RBFOX1: variants seen among roughly 807,000 people sequenced by gnomAD.
RBFOX1 encodes RNA binding fox-1 homolog 1.
A neutral mutation model predicts 57.7 loss-of-function variants in RBFOX1; 8 were observed. The ratio of observed to expected loss-of-function variants is 0.14; its 90% confidence interval spans 0.08 to 0.25. The LOEUF (loss-of-function observed/expected upper bound fraction) is 0.25, where lower values mean the gene tolerates loss of function less well. RBFOX1 is among the 10% of genes least tolerant of loss of function. The pLI is 1.00. For synonymous variants in RBFOX1, 326 were observed against 222.4 expected (o/e 1.47, Z -4.15); for missense variants, 611 against 548.5 (o/e 1.11, Z -1.14).
chr16:7,159,478 C>T (rs1338331638), intron 4 of RBFOX1, among the ~76,000 whole-genome samples: 1 of 152,148 alleles, frequency 6.6e-6, no homozygotes, highest in Non-Finnish European at 1.5e-5. Flanking sequence ...TGAGGGCTGT[C>T]ACTAAGGGGA....
intron 3 of RBFOX1, among the ~76,000 whole-genome samples, chr16:6,722,219 C>G (rs1337102717): frequency 6.6e-6 from 1 of 152,160 alleles, no homozygotes; most frequent in East Asian, 1.9e-4. Flanking sequence ...TTGAAGGAAC[C>G]ACTATCCTGT....
rs138246337 is a variant in RBFOX1 at position 7,158,795 on chromosome 16, C to T, written c.27+106697C>T. Among the ~76,000 whole-genome samples the T allele has an allele frequency of 6.7e-4, 100 of 149,810 alleles. 3 individuals are homozygous for T. In the Middle Eastern group the frequency reaches 0.025, roughly 38 times the overall value. On this transcript the variant is annotated intron_variant, in intron 4 of 15. Coordinates refer to ENST00000550418, the MANE Select transcript of RBFOX1 (RefSeq NM_018723.4). ...TAGTGTGTGTGTCTGCATGCATATG[C>T]GTTTGTGTGGTGTTTGTGTCTCTAG...
At chr16:7,396,375 A>T (rs2098139417) in intron 4 of RBFOX1, among the ~76,000 whole-genome samples, 1 of 152,182 alleles carries the variant, frequency 6.6e-6, no homozygotes, top group African/African-American at 2.4e-5. Flanking sequence ...GAACAATTTC[A>T]GAGCTATGCA....
At chr16:6,267,568 G>T (rs2074679244) in intron 1 of RBFOX1, among the ~76,000 whole-genome samples, 2 of 152,176 alleles carry the variant, frequency 1.3e-5, no homozygotes, top group South Asian at 4.1e-4. Context: ...AGTCTTATCT[G>T]ACAGATTTCT....
At chr16:7,004,643 A>G (rs573584018) in intron 3 of RBFOX1, among the ~76,000 whole-genome samples, 2 of 152,226 alleles carry the variant, frequency 1.3e-5, no homozygotes, top group Non-Finnish European at 2.9e-5. Flanking sequence ...CAACATTGGT[A>G]TTCCATTGTC....
chr16:7,308,701 C>G (rs1377384957), intron 4 of RBFOX1, among the ~76,000 whole-genome samples: 2 of 152,192 alleles, frequency 1.3e-5, no homozygotes, highest in South Asian at 4.1e-4. Flanking sequence ...CATATCAACC[C>G]TTTCTGTCTT....
intron 1 of RBFOX1, among the ~76,000 whole-genome samples, chr16:5,434,029 G>A (rs1038697960): frequency 2.6e-5 from 4 of 152,142 alleles, no homozygotes; most frequent in South Asian, 2.1e-4. Flanking sequence ...TTTTGAGTTG[G>A]GGTAGGGGCG....
At chr16:6,956,213 T>C (rs997608365) in intron 3 of RBFOX1, among the ~76,000 whole-genome samples, 4 of 151,998 alleles carry the variant, frequency 2.6e-5, no homozygotes, top group Non-Finnish European at 5.9e-5. Flanking sequence ...ACACAGGAGA[T>C]CGTGCAGAGA....
chr16:7,383,859 A>G (rs1219824714), intron 4 of RBFOX1, among the ~76,000 whole-genome samples: 1 of 152,080 alleles, frequency 6.6e-6, no homozygotes, highest in Non-Finnish European at 1.5e-5. Context: ...GATCGAGACT[A>G]TCCTGGCTAA....
chr16:6,294,247 T>G (rs561022677), intron 1 of RBFOX1, among the ~76,000 whole-genome samples: 2 of 151,950 alleles, frequency 1.3e-5, no homozygotes, highest in Non-Finnish European at 2.9e-5. Flanking sequence ...CTAAAGGCAA[T>G]AGAGATGGGT....
chr16:6,199,865 A>G (rs750182804), intron 1 of RBFOX1, among the ~76,000 whole-genome samples: 2 of 152,186 alleles, frequency 1.3e-5, no homozygotes, highest in Non-Finnish European at 2.9e-5. Flanking sequence ...TACCTATCAG[A>G]AGGTTATGAA....
chr16:7,606,891 A>T lies in RBFOX1; in HGVS notation c.623-394A>T, dbSNP rs367557126. Among the ~76,000 whole-genome samples, 5 of 152,334 alleles carry T rather than the reference A, an allele frequency of 3.3e-5. No homozygotes were observed. In the East Asian group the frequency reaches 5.8e-4, roughly 18 times the overall value. On this transcript the variant is annotated intron_variant, in intron 9 of 15. Coordinates refer to ENST00000550418, the MANE Select transcript of RBFOX1 (RefSeq NM_018723.4). ...TGCTGCCAAGAATTTTGTTTATGCA[A>T]GCTTTCTAATTTTTGTGAACTTAAT...
chr16:6,500,634 A>G (rs981559649), intron 2 of RBFOX1, among the ~76,000 whole-genome samples: 1 of 152,172 alleles, frequency 6.6e-6, no homozygotes, highest in African/African-American at 2.4e-5. Flanking sequence ...CAATTGAAGT[A>G]CATGGACTGT....
chr16:6,653,726 G>C (rs2098619998), intron 2 of RBFOX1, among the ~76,000 whole-genome samples: 2 of 151,532 alleles, frequency 1.3e-5, no homozygotes, highest in African/African-American at 2.4e-5. Flanking sequence ...TGAGTGGATA[G>C]AGGATGGATA....
chr16:6,649,357 G>C (rs2098558016), intron 2 of RBFOX1, among the ~76,000 whole-genome samples: 1 of 152,076 alleles, frequency 6.6e-6, no homozygotes, highest in Admixed American at 6.6e-5. Context: ...TGGACACTTA[G>C]TTTTTTGCTT....
intron 4 of RBFOX1, among the ~76,000 whole-genome samples, chr16:7,205,615 C>A (rs181221139): frequency 1.3e-5 from 2 of 152,234 alleles, no homozygotes; most frequent in East Asian, 3.9e-4. Context: ...CTTCTACAAT[C>A]TGTGTTTACA....
intron 3 of RBFOX1, among the ~76,000 whole-genome samples, chr16:6,993,085 G>T (rs943879941): frequency 1.3e-5 from 2 of 152,104 alleles, no homozygotes; most frequent in African/African-American, 4.8e-5. Flanking sequence ...AATTTCTTTT[G>T]TTAGTCTACT....
intron 4 of RBFOX1, among the ~76,000 whole-genome samples, chr16:7,148,116 A>G (rs2075388824): frequency 6.6e-6 from 1 of 152,216 alleles, no homozygotes; most frequent in African/African-American, 2.4e-5. Context: ...GAAGTGACGC[A>G]CAATTGACTT....
rs1214873481 is a variant in RBFOX1 at position 6,931,334 on chromosome 16, TATCTCTACAC to T, written c.-15-120721_-15-120712del. ...CTATCTATCTATCTATCTATCTATCTATCTCTACACACACACACACACACACACATACATA... is the reference window on the plus strand; with the variant it reads ...CTATCTATCTATCTATCTATCTATCTACACACACACACACACACATACATA... On this transcript the variant is annotated intron_variant, in intron 3 of 15. Transcript: ENST00000550418. Among the ~76,000 whole-genome samples, 819 of 134,686 alleles carry T rather than the reference TATCTCTACAC, an allele frequency of 6.1e-3. 7 individuals carry two copies. Among genetic ancestry groups the T allele is most frequent in the South Asian group, 0.017 (76 of 4,506 alleles). 88.4% of individuals were successfully genotyped at this position (134,686 alleles called of 152,430 possible).
Sources: allele counts gnomAD v4.1 joint callset (sites outside exome capture counted in the v4.1 genomes callset), GRCh38; gene constraint gnomAD v4.1.1; transcripts MANE v1.5; gene names NCBI Gene and HGNC (gene_info 2026-07-23, HGNC 2026-07-21).